MYH15: variants seen among roughly 807,000 people sequenced by gnomAD.
The protein encoded by MYH15 is myosin-15.
MYH15 carries 227 observed loss-of-function variants against 240.5 expected under a neutral mutation model. That is an observed-to-expected ratio of 0.94 (90% CI 0.85 to 1.05). MYH15 has a LOEUF of 1.05. Among genes scored for constraint, MYH15 ranks in the 50% least tolerant of loss-of-function variants. The pLI, the probability that MYH15 is intolerant of heterozygous loss-of-function variation, is 0.00. For synonymous variants in MYH15, 785 were observed against 796.7 expected (o/e 0.99, Z 0.25); for missense variants, 2,217 against 2,247.5 (o/e 0.99, Z 0.27).
At chr3:108,519,608 C>A (rs1420053411) in intron 1 of MYH15, among the ~76,000 whole-genome samples, 1 of 152,160 alleles carries the variant, frequency 6.6e-6, no homozygotes, top group Non-Finnish European at 1.5e-5. Context: ...GAGGGCTATA[C>A]TTTTGTGCTT....
chr3:108,466,242 G>A (rs1053243052), intron 14 of MYH15, among the ~76,000 whole-genome samples: 10 of 152,316 alleles, frequency 6.6e-5, no homozygotes, highest in African/African-American at 2.2e-4. Context: ...ATTTAGAGCT[G>A]AGTGCCAACT....
intron 2 of MYH15, among the ~76,000 whole-genome samples, chr3:108,502,907 A>G (rs1457978768): frequency 6.6e-6 from 1 of 152,080 alleles, no homozygotes; most frequent in Non-Finnish European, 1.5e-5. Flanking sequence ...CAGAACGTAA[A>G]CATATCTCAT....
chr3:108,532,324 A>T (rs1407155467), upstream of MYH15, among the ~76,000 whole-genome samples: 2 of 152,118 alleles, frequency 1.3e-5, no homozygotes, highest in African/African-American at 2.4e-5. Flanking sequence ...CCAATCAAAA[A>T]ATCTGAATAG....
At chr3:108,481,157 T>A (rs75077798) in intron 11 of MYH15, among the ~76,000 whole-genome samples, 2,277 of 152,362 alleles carry the variant, frequency 0.015, 49 homozygotes, top group Admixed American at 0.057. Context: ...GATGTTCACA[T>A]ATAATTTGGT....
At chr3:108,386,560 G>A (rs952110475) in intron 38 of MYH15, among the ~76,000 whole-genome samples, 3 of 151,946 alleles carry the variant, frequency 2.0e-5, no homozygotes, top group African/African-American at 7.3e-5. Context: ...GTCCTTTCTG[G>A]GCAATCTTTG....
chr3:108,427,655 GAA>G (rs1387671157), intron 27 of MYH15, among the ~76,000 whole-genome samples: 26 of 150,690 alleles, frequency 1.7e-4, no homozygotes, highest in Middle Eastern at 3.4e-3. Flanking sequence ...GAGAGAGAGA[GAA>G]AGAGAGAGAG....
chr3:108,393,939 A>C, intron 36 of MYH15, 92 bp downstream of exon 36: 2 of 1,555,434 alleles, frequency 1.3e-6, no homozygotes, highest in Non-Finnish European at 1.8e-6. Flanking sequence ...AATCAATGGA[A>C]TACTTTTTGG....
At chr3:108,533,132 T>TTC (rs2083722727), upstream of MYH15, among the ~76,000 whole-genome samples, 1 of 149,554 alleles carries the variant, frequency 6.7e-6, no homozygotes. Context: ...TTTTTTTTTT[T>TTC]TTTTTCATGA....
At chr3:108,393,274 G>A (rs2082433827) in intron 36 of MYH15, among the ~76,000 whole-genome samples, 1 of 152,118 alleles carries the variant, frequency 6.6e-6, no homozygotes, top group Non-Finnish European at 1.5e-5. Flanking sequence ...GGTGAGCAGA[G>A]ACAGAAACCA....
At chr3:108,388,911 A>G in intron 38 of MYH15, 59 bp downstream of exon 38, 2 of 1,455,230 alleles carry the variant, frequency 1.4e-6, no homozygotes, top group Non-Finnish European at 1.9e-6. Context: ...GGCTTGAAGG[A>G]GTACTTTTCT....
chr3:108,506,595 T>C lies in MYH15; in HGVS notation c.89-766A>G, dbSNP rs145918767. 2.3e-4 allele frequency among the ~76,000 whole-genome samples: 35 copies of C among 152,200 alleles called. 2 individuals carry two copies. The East Asian group carries it at 6.2e-3, about 27-fold the overall frequency. On this transcript the variant is annotated intron_variant, in intron 1 of 40. Coordinates refer to ENST00000693548, the MANE Select transcript of MYH15 (RefSeq NM_014981.3). ...CAGTGATGATGAATAAAAAATATGA[T>C]TTTAAGGGCCTGGGTGCAGTGGCTC...
the MYH15 span, among the ~76,000 whole-genome samples, chr3:108,534,442 TATTCA>T: frequency 6.6e-6 from 1 of 152,188 alleles, no homozygotes; most frequent in Non-Finnish European, 1.5e-5. Flanking sequence ...AAAAGTGAAG[TATTCA>T]ATTATCATTC....
At chr3:108,472,003 G>T (rs1202253025) in intron 12 of MYH15, among the ~76,000 whole-genome samples, 1 of 152,148 alleles carries the variant, frequency 6.6e-6, no homozygotes. Context: ...CCTAGCCTTA[G>T]CTTCCAACTC....
chr3:108,539,176 T>A, the MYH15 span, among the ~76,000 whole-genome samples: 1 of 152,208 alleles, frequency 6.6e-6, no homozygotes, highest in Non-Finnish European at 1.5e-5. Context: ...CAACTGTGTT[T>A]CAATTTAATA....
intron 2 of MYH15, among the ~76,000 whole-genome samples, chr3:108,502,289 T>C (rs565914371): frequency 1.3e-5 from 2 of 152,272 alleles, no homozygotes; most frequent in East Asian, 3.9e-4. Context: ...TCAAAACCTG[T>C]CTCCTCCCTC....
At position 108,456,826 on chromosome 3, in the gene MYH15, C is replaced by T; in HGVS notation, c.2078G>A (p.Gly693Glu). ...QQLRCNGVLE[G>E]TRICREGFPN... is the part of the protein sequence containing the mutation. ...AAAACCTTCACGGCATATCCTAGTC[C>T]CTTCCAAGACACCATTACAGCGCAA... The change falls in exon 19 of 41, where the codon GGG becomes GAG. Residue 693 changes from glycine to glutamate, a missense_variant. Physicochemically the swap from Gly to Glu is moderately conservative, Grantham distance 98 (BLOSUM62 -2). Transcript: ENST00000693548. 6.2e-7 allele frequency: 1 copy of T among 1,613,750 alleles called. No individual in the cohort carries two copies. Among genetic ancestry groups the T allele is most frequent in the Non-Finnish European group, 8.5e-7 (1 of 1,179,812 alleles).
At chr3:108,452,572 AAT>A (rs111742995) in intron 21 of MYH15, among the ~76,000 whole-genome samples, 316 of 152,310 alleles carry the variant, frequency 2.1e-3, no homozygotes, top group African/African-American at 7.0e-3. Context: ...ACTTCAGGAC[AAT>A]ATATACAAAA....
upstream of MYH15, among the ~76,000 whole-genome samples, chr3:108,513,506 A>G (rs1475375652): frequency 6.6e-6 from 1 of 152,188 alleles, no homozygotes; most frequent in Non-Finnish European, 1.5e-5. Context: ...TGATTTATCA[A>G]TACATACTGA....
intron 11 of MYH15, among the ~76,000 whole-genome samples, chr3:108,478,272 A>G (rs549244634): frequency 2.0e-5 from 3 of 152,220 alleles, no homozygotes; most frequent in Non-Finnish European, 4.4e-5. Context: ...CTTATAAACT[A>G]AAATCAATAT....
Sources: allele counts gnomAD v4.1 joint callset (sites outside exome capture counted in the v4.1 genomes callset), GRCh38; gene constraint gnomAD v4.1.1; transcripts MANE v1.5; gene names NCBI Gene and HGNC (gene_info 2026-07-23, HGNC 2026-07-21).